WDR5: variants seen among roughly 807,000 people sequenced by gnomAD.
The protein encoded by WDR5 is WD repeat domain 5.
For synonymous variants in WDR5, 144 were observed against 161.6 expected, an observed-to-expected ratio of 0.89 and a Z score of 0.83; for missense variants, 187 against 416.9, an observed-to-expected ratio of 0.45 and a Z score of 4.80.
intron 11 of WDR5, 105 bp downstream of exon 11, chr9:134,155,478 G>A: frequency 6.9e-7 from 1 of 1,452,474 alleles, no homozygotes; most frequent in Non-Finnish European, 9.3e-7. Flanking sequence ...GGAGCTCAGA[G>A]AGCCATCTCC....
In WDR5 at chr9:134,159,009, AG is replaced by A. The variant is rs971120528; in HGVS notation, c.*1019del. On this transcript the variant is annotated 3_prime_UTR_variant, in exon 14 of 14. Transcript: ENST00000358625. The surrounding 1 kb of genome is among the most constrained non-coding windows in gnomAD (Gnocchi z 4.3). ...GCCAGTGGGACTCATGCGCCCTATG[AG>A]GGCTGCAGGGCCAGTGCTGCCCCTC... 6.6e-6 allele frequency: 1 copy of A among 152,194 alleles called. No homozygotes were observed. Among genetic ancestry groups the A allele is most frequent in the African/African-American group, 2.4e-5 (1 of 41,418 alleles). The allele number at this position is 152,194 out of a possible 1,614,324, so 9.4% of individuals were successfully genotyped here.
intron 8 of WDR5, among the ~76,000 whole-genome samples, chr9:134,151,668 C>T (rs1172673320): frequency 1.3e-5 from 2 of 152,122 alleles, no homozygotes; most frequent in African/African-American, 4.8e-5. Context: ...CTCTCCTTGG[C>T]CAGGGAGAGT....
In WDR5 at chr9:134,155,222, C is replaced by T. The variant is rs751301944; in HGVS notation, c.708-118C>T. Reference sequence around the variant, plus strand: ...CCCTGATGGGGAAGGGGGTTCCAGCCCCGCTGGCTTTTGCACCTGGCGCTG... The same window carrying T: ...CCCTGATGGGGAAGGGGGTTCCAGCTCCGCTGGCTTTTGCACCTGGCGCTG... On this transcript the variant is annotated intron_variant, in intron 10 of 13. Coordinates refer to ENST00000358625, the MANE Select transcript of WDR5 (RefSeq NM_017588.3). The T allele has an allele frequency of 2.3e-4, 294 of 1,252,806 alleles. 1 individual carries two copies. Among genetic ancestry groups the T allele is most frequent in the Non-Finnish European group, 2.8e-4 (265 of 933,152 alleles). 77.6% of individuals were successfully genotyped at this position (1,252,806 alleles called of 1,614,324 possible). A position where few individuals can be genotyped will look rare whatever the true frequency, so the allele number is the denominator to read the frequency against.
At chr9:134,152,909 G>A (rs1832565972) in intron 9 of WDR5, among the ~76,000 whole-genome samples, 1 of 152,166 alleles carries the variant, frequency 6.6e-6, no homozygotes, top group Non-Finnish European at 1.5e-5. Context: ...AGTGTCCCTG[G>A]TGCCTCCGTG....
chr9:134,139,810 C>A lies in WDR5; in HGVS notation c.-58-10C>A. 6.5e-7 allele frequency: 1 copy of A among 1,549,208 alleles called. No individual in the cohort carries two copies. Among genetic ancestry groups the A allele is most frequent in the Non-Finnish European group, 8.9e-7 (1 of 1,125,058 alleles). On this transcript the variant is annotated splice_polypyrimidine_tract_variant and intron_variant, in intron 1 of 13. Coordinates refer to ENST00000358625, the MANE Select transcript of WDR5 (RefSeq NM_017588.3). ...TTTCTTGGCTCCCTGTTCTGCATCT[C>A]GCTCAACAGACTGCCTCTGTCACCG...
chr9:134,139,989 C>T, intron 2 of WDR5, 31 bp downstream of exon 2: 1 of 1,612,470 alleles, frequency 6.2e-7, no homozygotes. Context: ...TGGACACCTT[C>T]CGGGGGCAAA....
At chr9:134,147,695 T>C (rs191324991) in intron 7 of WDR5, among the ~76,000 whole-genome samples, 27 of 152,302 alleles carry the variant, frequency 1.8e-4, no homozygotes, top group African/African-American at 6.3e-4. Context: ...TGAGACAAGA[T>C]AGTTTCCAAA....
chr9:134,147,668 T>A (rs1362404894), intron 7 of WDR5, among the ~76,000 whole-genome samples: 1 of 152,178 alleles, frequency 6.6e-6, no homozygotes, highest in African/African-American at 2.4e-5. Context: ...CCAGGAAATG[T>A]TTCAGCACCC....
intron 9 of WDR5, among the ~76,000 whole-genome samples, chr9:134,152,967 A>C (rs576801817): frequency 6.6e-6 from 1 of 151,594 alleles, no homozygotes; most frequent in East Asian, 2.0e-4. Flanking sequence ...CCTCATTTTC[A>C]CTCTGTCGCC....
chr9:134,148,403 C>A, intron 8 of WDR5, 60 bp downstream of exon 8: 1 of 1,465,942 alleles, frequency 6.8e-7, no homozygotes, highest in Non-Finnish European at 9.5e-7. Flanking sequence ...CCAGCTCTTG[C>A]ACTGTTCCTG....
intron 9 of WDR5, among the ~76,000 whole-genome samples, chr9:134,152,821 G>A (rs556187526): frequency 1.3e-5 from 2 of 152,266 alleles, no homozygotes; most frequent in South Asian, 4.1e-4. Flanking sequence ...GTGTCTCCCC[G>A]CAGTCCAGGA....
rs776149671 is a variant in WDR5 at position 134,142,671 on chromosome 9, A to G, written c.480A>G (p.Thr160=). ...GCGTGAGGATATGGGATGTGAAAAC[A>G]GGGAAGTGCCTCAAGACTTTGCCAG... The part of the protein sequence containing the change: ...DESVRIWDVK[T]GKCLKTLPAH... Residue 160 remains threonine, a synonymous_variant, in exon 7 of 14, where the codon ACA becomes ACG. Coordinates refer to ENST00000358625, the MANE Select transcript of WDR5 (RefSeq NM_017588.3). 2 of 1,614,218 alleles carry G rather than the reference A, an allele frequency of 1.2e-6. No homozygotes were observed. Among genetic ancestry groups the G allele is most frequent in the Non-Finnish European group, 1.7e-6 (2 of 1,180,042 alleles).
In WDR5 at chr9:134,157,665, C is replaced by G. The variant is rs28535008; in HGVS notation, c.905-228C>G. ...GCTGGCACTCCCTGTGGCCTCCTGC[C>G]CCTGTCCCCCAACCGGCTGTGTCGC... On this transcript the variant is annotated intron_variant, in intron 13 of 13. Coordinates refer to ENST00000358625, the MANE Select transcript of WDR5 (RefSeq NM_017588.3). The surrounding 1 kb of genome is among the most constrained non-coding windows in gnomAD (Gnocchi z 5.0). 0.13 allele frequency among the ~76,000 whole-genome samples: 19,754 copies of G among 152,050 alleles called. 1,457 individuals carry two copies. Among genetic ancestry groups the G allele is most frequent in the South Asian group, 0.22 (1,051 of 4,816 alleles).
chr9:134,158,808 GCTCTCTGAAGACGCCTTC>G lies in WDR5; in HGVS notation c.*822_*839del, dbSNP rs1035393217. The stretch of plus-strand genomic sequence containing the variant: ...GGAGGTGCTGAGGCTGGCTGCACCT[GCTCTCTGAAGACGCCTTC>G]CTCTCTAGGTTCATTGTTCAGTGTT... On this transcript the variant is annotated 3_prime_UTR_variant, in exon 14 of 14. Transcript: ENST00000358625. 9 of 151,696 alleles carry G rather than the reference GCTCTCTGAAGACGCCTTC, an allele frequency of 5.9e-5. No individual in the cohort carries two copies. Among genetic ancestry groups the G allele is most frequent in the African/African-American group, 2.2e-4 (9 of 40,998 alleles). The allele number at this position is 151,696 out of a possible 1,614,324, so 9.4% of individuals were successfully genotyped here.
Position 134,151,646 on chromosome 9 carries a change from C to G in WDR5, c.585-337C>G, listed in dbSNP as rs1464044565. Among the ~76,000 whole-genome samples, 5 of 152,198 alleles carry G rather than the reference C, an allele frequency of 3.3e-5. No homozygotes were observed. The East Asian group carries it at 5.8e-4, about 18-fold the overall frequency. On this transcript the variant is annotated intron_variant, in intron 8 of 13. Coordinates refer to ENST00000358625, the MANE Select transcript of WDR5 (RefSeq NM_017588.3). ...GGCAGAGCCTGCGAGAAGCACTGGG[C>G]TGCTGCTGCCCCTCTCCTTGGCCAG...
chr9:134,153,305 C>A (rs1832586146), intron 9 of WDR5, among the ~76,000 whole-genome samples: 1 of 152,214 alleles, frequency 6.6e-6, no homozygotes, highest in South Asian at 2.1e-4. Flanking sequence ...GGATTCCAGC[C>A]TGGGCGCCCC....
At position 134,157,844 on chromosome 9, in the gene WDR5, G is replaced by T; in HGVS notation, c.905-49G>T. 6.3e-7 allele frequency: 1 copy of T among 1,587,172 alleles called. No individual in the cohort carries two copies. The highest frequency in any genetic ancestry group is 1.1e-5 in the South Asian group (1 of 90,358). Reference sequence around the variant, plus strand: ...GAGCTCAGTCTGGGATGGCGTCCCCGACCCAGGCGCAGGGATGGCTCTGGT... The same window carrying T: ...GAGCTCAGTCTGGGATGGCGTCCCCTACCCAGGCGCAGGGATGGCTCTGGT... On this transcript the variant is annotated intron_variant, in intron 13 of 13. Transcript: ENST00000358625. This position sits in a 1 kb window ranked among gnomAD's most constrained non-coding sequence, Gnocchi z 5.0.
chr9:134,152,182 C>T (rs1832529635), intron 9 of WDR5, among the ~76,000 whole-genome samples, 153 bp downstream of exon 9: 1 of 152,248 alleles, frequency 6.6e-6, no homozygotes, highest in African/African-American at 2.4e-5. Context: ...GTTCCGCCAG[C>T]TCCCCCTGAC....
Position 134,142,029 on chromosome 9 carries a change from C to T in WDR5, c.345C>T (p.Asp115=), listed in dbSNP as rs372730045. The change falls in exon 5 of 14, where the codon GAC becomes GAT. Residue 115 remains aspartate (D), a synonymous_variant. Transcript: ENST00000358625. ...ASDDKTLKIW[D]VSSGKCLKTL... The stretch of plus-strand genomic sequence containing the variant: ...ATGACAAAACCTTGAAGATATGGGA[C>T]GTGAGCTCGGTAAGTGACACTCAGT... 14 of 1,614,032 alleles carry T rather than the reference C, an allele frequency of 8.7e-6. No homozygotes were observed. The East Asian group carries it at 8.9e-5, about 10-fold the overall frequency.
Sources: allele counts gnomAD v4.1 joint callset (sites outside exome capture counted in the v4.1 genomes callset), GRCh38; gene constraint gnomAD v4.1.1; non-coding constraint Gnocchi (gnomAD v3.1); transcripts MANE v1.5; gene names NCBI Gene and HGNC (gene_info 2026-07-23, HGNC 2026-07-21).